Variants in P3H2 observed in about 807,000 individuals in gnomAD.
The protein encoded by P3H2 is leprecan-like 1.
A neutral mutation model predicts 87.0 loss-of-function variants in P3H2; 80 were observed. The ratio of observed to expected loss-of-function variants is 0.92; its 90% CI spans 0.77 to 1.11. The LOEUF (loss-of-function observed/expected upper bound fraction) is 1.11. Among genes scored for constraint, P3H2 ranks in the 50% least tolerant of loss-of-function variants. The pLI is 0.00. For synonymous variants in P3H2, 367 were observed against 359.3 expected (o/e 1.02, Z -0.24); for missense variants, 1,001 against 923.9 (o/e 1.08, Z -1.08).
intron 1 of P3H2, among the ~76,000 whole-genome samples, chr3:190,034,853 C>CTTTTTTTTTTT (rs58325211): frequency 1.4e-5 from 2 of 140,272 alleles, no homozygotes; most frequent in Non-Finnish European, 1.5e-5. Context: ...CTTTTCTTTT[C>CTTTTTTTTTTT]TTTTTTTTTT....
intron 1 of P3H2, among the ~76,000 whole-genome samples, chr3:190,007,803 G>A (rs555748424): frequency 3.4e-4 from 39 of 113,332 alleles, no homozygotes; most frequent in Non-Finnish European, 6.9e-4. Context: ...AGGATACAGC[G>A]TTCAGATTTT....
At chr3:189,978,340 A>C (rs939153216) in intron 8 of P3H2, among the ~76,000 whole-genome samples, 3 of 152,166 alleles carry the variant, frequency 2.0e-5, no homozygotes, top group African/African-American at 7.2e-5. Flanking sequence ...GCTCCATTAT[A>C]AGTATGTATT....
intron 1 of P3H2, among the ~76,000 whole-genome samples, chr3:189,999,498 A>G (rs1176887718): frequency 2.0e-5 from 3 of 152,208 alleles, no homozygotes; most frequent in Non-Finnish European, 4.4e-5. Context: ...AAACATGTGC[A>G]TGCTACATAT....
chr3:190,090,716 A>T (rs1727382978), intron 1 of P3H2, among the ~76,000 whole-genome samples: 1 of 147,420 alleles, frequency 6.8e-6, no homozygotes, highest in South Asian at 2.1e-4. Context: ...AAAAAAAAAA[A>T]TTTACCACCT....
intron 1 of P3H2, among the ~76,000 whole-genome samples, chr3:190,018,445 T>C (rs1011187313): frequency 4.6e-5 from 7 of 152,188 alleles, no homozygotes; most frequent in Non-Finnish European, 7.3e-5. Context: ...TAGTGGCTCC[T>C]TCTTGTAATC....
chr3:190,072,220 T>G (rs369155218), intron 1 of P3H2, among the ~76,000 whole-genome samples: 4 of 152,060 alleles, frequency 2.6e-5, no homozygotes, highest in African/African-American at 9.7e-5. Flanking sequence ...AGAGACGGGG[T>G]TTGACCATGT....
chr3:190,066,152 T>C (rs1442126934), intron 1 of P3H2, among the ~76,000 whole-genome samples: 1 of 113,832 alleles, frequency 8.8e-6, no homozygotes, highest in Non-Finnish European at 1.8e-5. Context: ...TGTATATATA[T>C]ATATATACAC....
chr3:190,061,505 A>T (rs1726330675), intron 1 of P3H2, among the ~76,000 whole-genome samples: 1 of 152,092 alleles, frequency 6.6e-6, no homozygotes, highest in East Asian at 1.9e-4. Context: ...TTCAACCACA[A>T]ACTTCAGAGT....
intron 3 of P3H2, 81 bp from the exon 4 acceptor site, chr3:189,989,119 G>T: frequency 6.5e-7 from 1 of 1,542,078 alleles, no homozygotes; most frequent in Non-Finnish European, 8.9e-7. Flanking sequence ...AGTTACACAG[G>T]TCATTCCTCA....
chr3:190,108,329 C>T (rs1205225959), intron 1 of P3H2, among the ~76,000 whole-genome samples: 1 of 152,096 alleles, frequency 6.6e-6, no homozygotes, highest in Admixed American at 6.6e-5. Flanking sequence ...CAGCAACAGT[C>T]CTGGCCTTTA....
At chr3:190,119,106 AAAAAG>A (rs1332539099) in intron 1 of P3H2, among the ~76,000 whole-genome samples, 3 of 129,918 alleles carry the variant, frequency 2.3e-5, no homozygotes, top group Non-Finnish European at 3.2e-5. Context: ...ACTCCGTCAA[AAAAAG>A]AAAAGAAAAG....
intron 1 of P3H2, among the ~76,000 whole-genome samples, chr3:190,020,172 A>G (rs1719587): frequency 0.5 from 65,329 of 131,236 alleles, 23,038 homozygotes; most frequent in South Asian, 0.55. Flanking sequence ...TAAGGCGTTC[A>G]ACACCAGGTT....
chr3:190,038,109 A>C (rs1173176067), intron 1 of P3H2, among the ~76,000 whole-genome samples: 1 of 152,050 alleles, frequency 6.6e-6, no homozygotes, highest in East Asian at 1.9e-4. Flanking sequence ...ATTGCTTTTG[A>C]TTTCCATTCA....
At chr3:190,074,810 T>G (rs532052125) in intron 1 of P3H2, among the ~76,000 whole-genome samples, 1 of 152,250 alleles carries the variant, frequency 6.6e-6, no homozygotes, top group Non-Finnish European at 1.5e-5. Context: ...TTCTCTTTAA[T>G]AGATTATAAA....
At chr3:190,043,373 G>T (rs546234939) in intron 1 of P3H2, among the ~76,000 whole-genome samples, 3 of 152,322 alleles carry the variant, frequency 2.0e-5, no homozygotes. Flanking sequence ...TGATGAGGCT[G>T]CAGAGTGATG....
chr3:190,048,712 T>C (rs1035025231), intron 1 of P3H2, among the ~76,000 whole-genome samples: 1 of 152,166 alleles, frequency 6.6e-6, no homozygotes, highest in African/African-American at 2.4e-5. Flanking sequence ...AACTTTTCGG[T>C]GGACTATAGG....
chr3:189,994,010 T>C (rs1723960678), intron 3 of P3H2, 84 bp downstream of exon 3: 2 of 1,008,028 alleles, frequency 2.0e-6, no homozygotes. Context: ...TATATTCTTC[T>C]ATTTTGCTGG....
chr3:189,963,507 C>A, intron 14 of P3H2: 2 of 183,080 alleles, frequency 1.1e-5, no homozygotes, highest in South Asian at 1.2e-4. Flanking sequence ...TGCAGTGGTG[C>A]GATCTCGGCT....
chr3:190,115,159 C>T (rs1445154334), intron 1 of P3H2, among the ~76,000 whole-genome samples: 1 of 151,978 alleles, frequency 6.6e-6, no homozygotes, highest in East Asian at 1.9e-4. Flanking sequence ...TTTATTTTTC[C>T]CCTTCCTTTT....
Sources: gnomAD v4.1 joint callset for allele counts (sites outside exome capture counted in the v4.1 genomes callset) on GRCh38, gnomAD v4.1.1 for gene constraint, MANE v1.5 for transcripts, NCBI Gene and HGNC (gene_info 2026-07-23, HGNC 2026-07-21) for gene names.